Variants in RNF169 observed in about 807,000 individuals in gnomAD.
RNF169 encodes the protein E3 ubiquitin-protein ligase RNF169.
A neutral mutation model predicts 53.9 loss-of-function variants in RNF169; 24 were observed. The ratio of observed to expected loss-of-function variants is 0.45; its 90% CI spans 0.32 to 0.63. The LOEUF is 0.63. Ranked by LOEUF, RNF169 falls within the 20% of genes least tolerant of loss-of-function variation. The pLI is 0.04. For missense variants in RNF169, 883 were observed against 906.2 expected (o/e 0.97, Z 0.33); for synonymous variants, 396 against 363.5 (o/e 1.09, Z -1.02).
At chr11:74,799,580 AATT>A (rs1393710532) in intron 2 of RNF169, among the ~76,000 whole-genome samples, 7 of 152,156 alleles carry the variant, frequency 4.6e-5, no homozygotes, top group Non-Finnish European at 8.8e-5. Flanking sequence ...ATATTAGTAT[AATT>A]ATTTTTATGG....
At chr11:74,779,274 T>G (rs2035381792) in intron 1 of RNF169, among the ~76,000 whole-genome samples, 2 of 152,174 alleles carry the variant, frequency 1.3e-5, no homozygotes, top group South Asian at 4.1e-4. Flanking sequence ...GATTAGTACT[T>G]TGCCAAAGAA....
intron 1 of RNF169, among the ~76,000 whole-genome samples, chr11:74,761,953 G>C (rs1271556088): frequency 2.7e-5 from 4 of 149,072 alleles, no homozygotes; most frequent in Non-Finnish European, 5.9e-5. Context: ...ATCAGACGTA[G>C]ATTTGGTCTT....
intron 1 of RNF169, among the ~76,000 whole-genome samples, chr11:74,782,018 T>C (rs1242374171): frequency 1.3e-5 from 2 of 152,212 alleles, no homozygotes; most frequent in African/African-American, 2.4e-5. Flanking sequence ...AGATGGAAAT[T>C]AGCCTTTTAT....
At chr11:74,759,171 CTT>C (rs1184866664) in intron 1 of RNF169, among the ~76,000 whole-genome samples, 21 of 107,466 alleles carry the variant, frequency 2.0e-4, no homozygotes, top group African/African-American at 6.6e-4. Flanking sequence ...TATCCTGAGA[CTT>C]TGCTGAAGTT....
At chr11:74,783,980 T>C (rs1257148230) in intron 1 of RNF169, among the ~76,000 whole-genome samples, 6 of 152,204 alleles carry the variant, frequency 3.9e-5, no homozygotes, top group Admixed American at 3.9e-4. Context: ...TTATGAGACT[T>C]TGATTTAAAA....
chr11:74,762,355 G>T lies in RNF169; in HGVS notation c.502+12973G>T, dbSNP rs562842055. Among the ~76,000 whole-genome samples, 202 of 139,642 alleles carry T rather than the reference G, an allele frequency of 1.4e-3. 1 individual carries two copies. Among genetic ancestry groups the T allele is most frequent in the African/African-American group, 5.3e-3 (193 of 36,312 alleles). 91.6% of individuals were successfully genotyped at this position (139,642 alleles called of 152,430 possible). A position where few individuals can be genotyped will look rare whatever the true frequency, so the allele number is the denominator to read the frequency against. ...TGTTCCGTTGCTGGTGAGGAACTGC[G>T]TTCCTTTGGAGGAGGAGAGGCGCTC... On this transcript the variant is annotated intron_variant, in intron 1 of 5. Coordinates refer to ENST00000299563, the MANE Select transcript of RNF169 (RefSeq NM_001098638.2).
At position 74,823,210 on chromosome 11, in the gene RNF169, T is replaced by C. The variant is rs188485181; in HGVS notation, c.842+5496T>C. Among the ~76,000 whole-genome samples, 251 of 152,328 alleles carry C rather than the reference T, an allele frequency of 1.6e-3. 2 individuals are homozygous for C. The highest frequency in any genetic ancestry group is 5.9e-3 in the African/African-American group (247 of 41,556). ...GTTGCTAGAAGTACTGCTTGATCTT[T>C]TCAGTAGTGCCATGGTAATAAAACA... is the stretch of plus-strand genomic sequence containing the variant. On this transcript the variant is annotated intron_variant, in intron 4 of 5. Transcript: ENST00000299563.
intron 1 of RNF169, among the ~76,000 whole-genome samples, chr11:74,756,089 G>A (rs1387995279): frequency 1.3e-5 from 2 of 152,046 alleles, no homozygotes; most frequent in Non-Finnish European, 2.9e-5. Flanking sequence ...CTAAAGCATT[G>A]GCTGTGGCAG....
At chr11:74,809,438 G>A (rs542189629) in intron 2 of RNF169, among the ~76,000 whole-genome samples, 4 of 152,040 alleles carry the variant, frequency 2.6e-5, no homozygotes, top group African/African-American at 9.7e-5. Flanking sequence ...CTTTGCTCAC[G>A]GTCACCAAGG....
At chr11:74,793,033 G>A (rs2035601302) in intron 2 of RNF169, among the ~76,000 whole-genome samples, 1 of 152,158 alleles carries the variant, frequency 6.6e-6, no homozygotes, top group Non-Finnish European at 1.5e-5. Context: ...CCATACAATG[G>A]CATACTATTC....
intron 1 of RNF169, among the ~76,000 whole-genome samples, chr11:74,773,807 T>C (rs1437422295): frequency 1.3e-5 from 2 of 152,188 alleles, no homozygotes; most frequent in Non-Finnish European, 2.9e-5. Context: ...GTGCCTAAAT[T>C]TCTTCTTTTT....
At chr11:74,804,698 G>A (rs1221863890) in intron 2 of RNF169, among the ~76,000 whole-genome samples, 3 of 152,158 alleles carry the variant, frequency 2.0e-5, no homozygotes, top group African/African-American at 7.2e-5. Context: ...GAAATATGCT[G>A]TAGGAACTTA....
At chr11:74,786,748 A>G (rs546509825) in intron 1 of RNF169, among the ~76,000 whole-genome samples, 2 of 152,302 alleles carry the variant, frequency 1.3e-5, no homozygotes, top group East Asian at 3.9e-4. Flanking sequence ...TCCTTATAAT[A>G]ACCTGTGATG....
intron 1 of RNF169, among the ~76,000 whole-genome samples, chr11:74,772,980 C>T (rs1425773668): frequency 6.6e-6 from 1 of 152,008 alleles, no homozygotes; most frequent in Non-Finnish European, 1.5e-5. Context: ...ATATTTAATC[C>T]GTAATGGAGA....
At chr11:74,787,586 G>A (rs2035522044) in intron 1 of RNF169, among the ~76,000 whole-genome samples, 1 of 152,172 alleles carries the variant, frequency 6.6e-6, no homozygotes, top group Non-Finnish European at 1.5e-5. Context: ...AGGTCACTAT[G>A]ATTATGCCTG....
intron 1 of RNF169, among the ~76,000 whole-genome samples, chr11:74,775,324 C>A (rs1482146221): frequency 6.6e-6 from 1 of 152,118 alleles, no homozygotes; most frequent in African/African-American, 2.4e-5. Context: ...GTACTCCCTC[C>A]TCTCTATTTT....
At chr11:74,774,881 T>C (rs580142) in intron 1 of RNF169, among the ~76,000 whole-genome samples, 93,955 of 151,970 alleles carry the variant, frequency 0.62, 30,452 homozygotes, top group East Asian at 0.81. Flanking sequence ...ATTGCTTGAA[T>C]CTGGGAGGCA....
intron 1 of RNF169, among the ~76,000 whole-genome samples, chr11:74,754,548 C>T (rs535332088): frequency 1.4e-4 from 22 of 152,160 alleles, no homozygotes; most frequent in Non-Finnish European, 2.8e-4. Flanking sequence ...AGGCCAGGCG[C>T]GGTGGCTCAC....
At chr11:74,759,061 C>G (rs1287135653) in intron 1 of RNF169, among the ~76,000 whole-genome samples, 1 of 148,908 alleles carries the variant, frequency 6.7e-6, no homozygotes, top group Non-Finnish European at 1.5e-5. Context: ...ATTTTATTCT[C>G]TTTGAAGCAA....
Sources: allele counts gnomAD v4.1 joint callset (sites outside exome capture counted in the v4.1 genomes callset), GRCh38; gene constraint gnomAD v4.1.1; transcripts MANE v1.5; gene names NCBI Gene and HGNC (gene_info 2026-07-23, HGNC 2026-07-21).